The following NBAS variants were observed in gnomAD, a reference collection of about 807,000 sequenced individuals.
NBAS encodes the protein NBAS subunit of NRZ tethering complex.
NBAS carries 219 observed loss-of-function variants against 302.5 expected under a neutral mutation model. The observed-to-expected ratio is 0.72, with a 90% confidence interval of 0.65 to 0.81. The LOEUF (loss-of-function observed/expected upper bound fraction) is 0.81. Ranked by LOEUF, NBAS falls within the 30% of genes least tolerant of loss-of-function variation. NBAS has a pLI of 0.00. For missense variants in NBAS, 2,932 were observed against 2,841.6 expected, an observed-to-expected ratio of 1.03 and a Z score of -0.72; for synonymous variants, 1,118 against 1,021.6, an observed-to-expected ratio of 1.09 and a Z score of -1.80.
chr2:15,522,057 C>G (rs1362637700), intron 9 of NBAS, among the ~76,000 whole-genome samples: 2 of 152,124 alleles, frequency 1.3e-5, no homozygotes, highest in Non-Finnish European at 2.9e-5. Flanking sequence ...CCACAAAGGG[C>G]CTTTAATACT....
At chr2:14,802,949 T>G in the NBAS span, among the ~76,000 whole-genome samples, 1 of 143,078 alleles carries the variant, frequency 7.0e-6, no homozygotes. Context: ...AGATGACGAG[T>G]TAGTGGGTGC....
intron 31 of NBAS, among the ~76,000 whole-genome samples, chr2:15,372,485 A>C (rs1329875562): frequency 6.6e-6 from 1 of 152,250 alleles, no homozygotes; most frequent in Non-Finnish European, 1.5e-5. Flanking sequence ...CAATAAAAAT[A>C]CCTAAACCAT....
the NBAS span, among the ~76,000 whole-genome samples, chr2:14,988,575 TAAGA>T: frequency 6.6e-6 from 1 of 152,086 alleles, no homozygotes; most frequent in Non-Finnish European, 1.5e-5. Context: ...AAGAAAATTA[TAAGA>T]AATACCAGGA....
At chr2:15,405,568 C>G (rs1463402099) in intron 25 of NBAS, among the ~76,000 whole-genome samples, 2 of 152,122 alleles carry the variant, frequency 1.3e-5, no homozygotes, top group Non-Finnish European at 2.9e-5. Flanking sequence ...GTCTTCCACA[C>G]CATAGGCCGC....
the NBAS span, among the ~76,000 whole-genome samples, chr2:15,041,559 G>A: frequency 6.6e-6 from 1 of 152,340 alleles, no homozygotes; most frequent in African/African-American, 2.4e-5. Flanking sequence ...TGCCTGGGGA[G>A]GGCCGGCAGG....
At chr2:14,993,989 G>T in the NBAS span, among the ~76,000 whole-genome samples, 5 of 152,156 alleles carry the variant, frequency 3.3e-5, no homozygotes, top group South Asian at 2.1e-4. Context: ...GATAAAGCAT[G>T]CACAGAAATA....
chr2:15,453,446 C>T (rs900292536), intron 21 of NBAS, among the ~76,000 whole-genome samples: 13 of 152,162 alleles, frequency 8.5e-5, no homozygotes, highest in Non-Finnish European at 1.9e-4. Flanking sequence ...TATATACTGA[C>T]ATAAGATTAA....
the NBAS span, among the ~76,000 whole-genome samples, chr2:15,109,826 G>C: frequency 6.6e-6 from 1 of 152,184 alleles, no homozygotes; most frequent in East Asian, 1.9e-4. Flanking sequence ...TTCAACATAT[G>C]AATTGTGGAT....
At chr2:15,492,843 G>C (rs1680918414) in intron 11 of NBAS, among the ~76,000 whole-genome samples, 1 of 152,148 alleles carries the variant, frequency 6.6e-6, no homozygotes, top group Non-Finnish European at 1.5e-5. Flanking sequence ...CAGTAACTGT[G>C]GACCAAAATC....
chr2:15,243,206 G>C (rs1667939386), intron 44 of NBAS, among the ~76,000 whole-genome samples: 1 of 152,130 alleles, frequency 6.6e-6, no homozygotes. Flanking sequence ...CTCTTCCACT[G>C]CATTTGTCAA....
chr2:15,200,050 A>G (rs1665805342), intron 48 of NBAS, among the ~76,000 whole-genome samples: 1 of 151,968 alleles, frequency 6.6e-6, no homozygotes, highest in Non-Finnish European at 1.5e-5. Context: ...CCACAGGCAC[A>G]TGCCACTATG....
At chr2:15,554,040 T>C in intron 4 of NBAS, 21 bp downstream of exon 4, 1 of 1,601,642 alleles carries the variant, frequency 6.2e-7, no homozygotes, top group African/African-American at 1.3e-5. Flanking sequence ...CAGAAAAACA[T>C]TGAATTTCAC....
chr2:14,943,324 T>C, the NBAS span, among the ~76,000 whole-genome samples: 1 of 152,226 alleles, frequency 6.6e-6, no homozygotes, highest in Admixed American at 6.5e-5. Flanking sequence ...ACTAATAATT[T>C]TATCTTACCA....
At chr2:15,101,440 A>G in the NBAS span, among the ~76,000 whole-genome samples, 1 of 152,016 alleles carries the variant, frequency 6.6e-6, no homozygotes, top group Non-Finnish European at 1.5e-5. Flanking sequence ...ATAGACTTAT[A>G]TTTGCATAAA....
At chr2:14,833,271 T>C in the NBAS span, among the ~76,000 whole-genome samples, 1 of 152,078 alleles carries the variant, frequency 6.6e-6, no homozygotes, top group African/African-American at 2.4e-5. Context: ...TGCAGCCAAG[T>C]CCATACCGAT....
chr2:14,867,769 C>T, the NBAS span, among the ~76,000 whole-genome samples: 1 of 152,104 alleles, frequency 6.6e-6, no homozygotes, highest in Non-Finnish European at 1.5e-5. Flanking sequence ...AAGAAAGGAC[C>T]ATGTTTATAC....
At chr2:15,179,263 A>C (rs1049072239) in intron 50 of NBAS, 147 bp from the exon 51 acceptor site, 83 of 1,179,186 alleles carry the variant, frequency 7.0e-5, no homozygotes, top group Non-Finnish European at 7.3e-6. Context: ...GATATACTGA[A>C]TATGGGCGTT....
intron 46 of NBAS, among the ~76,000 whole-genome samples, chr2:15,234,034 A>G (rs1667486383): frequency 6.6e-6 from 1 of 152,222 alleles, no homozygotes; most frequent in African/African-American, 2.4e-5. Context: ...ACGCAAAGCA[A>G]GAATTTCTCA....
At chr2:15,281,634 T>A (rs1485145788) in intron 42 of NBAS, among the ~76,000 whole-genome samples, 12 of 152,160 alleles carry the variant, frequency 7.9e-5, no homozygotes, top group Non-Finnish European at 4.4e-5. Context: ...AAATAGTCAT[T>A]TTGCAGAGGA....
Sources: gnomAD v4.1 joint callset for allele counts (sites outside exome capture counted in the v4.1 genomes callset) on GRCh38, gnomAD v4.1.1 for gene constraint, MANE v1.5 for transcripts, NCBI Gene and HGNC (gene_info 2026-07-23, HGNC 2026-07-21) for gene names.